Variants in RPH3AL observed in about 807,000 individuals in gnomAD.
The protein encoded by RPH3AL is rab effector Noc2.
A neutral mutation model predicts 43.1 loss-of-function variants in RPH3AL; 38 were observed. The observed-to-expected ratio is 0.88, with a 90% CI of 0.68 to 1.15. RPH3AL has a LOEUF of 1.15. RPH3AL is among the 50% of genes most tolerant of loss of function. RPH3AL has a pLI of 0.00. For synonymous variants in RPH3AL, 189 were observed against 176.3 expected (o/e 1.07, Z -0.57); for missense variants, 462 against 423.2 (o/e 1.09, Z -0.81).
At chr17:348,554 A>G (rs2045290494) in intron 1 of RPH3AL, among the ~76,000 whole-genome samples, 1 of 152,090 alleles carries the variant, frequency 6.6e-6, no homozygotes, top group Admixed American at 6.5e-5. Context: ...AAAAAAGTAA[A>G]GTGCTACCAA....
intron 7 of RPH3AL, among the ~76,000 whole-genome samples, chr17:241,217 C>G (rs1211937274): frequency 6.6e-6 from 1 of 151,918 alleles, no homozygotes; most frequent in Non-Finnish European, 1.5e-5. Context: ...AGTGAGGCTC[C>G]CATCTCTACA....
At chr17:213,953 G>C in intron 9 of RPH3AL, 30 bp from the exon 10 acceptor site, 1 of 1,553,730 alleles carries the variant, frequency 6.4e-7, no homozygotes, top group Non-Finnish European at 8.9e-7. Context: ...CCACCACATG[G>C]TGAGCAGCGG....
rs148017340 is a variant in RPH3AL at position 319,445 on chromosome 17, G to C, written c.326C>G (p.Ser109Trp). The change falls in exon 5 of 10, where the codon TCG (serine) becomes TGG (tryptophan). Residue 109 changes from serine to tryptophan, a missense_variant. Transcript: ENST00000331302. ...GEVLGFLGSS[S>W]VFCKDCRKKV... is the part of the protein sequence containing the mutation. ...CTTCCTGCAGTCTTTGCAGAACACC[G>C]ACGAGCTGCCCAGGAAGCCCAGCAC... The C allele has an allele frequency of 6.2e-7, 1 of 1,612,452 alleles. No homozygotes were observed. The highest frequency in any genetic ancestry group is 1.7e-5 in the Admixed American group (1 of 59,974).
At chr17:240,652 T>C (rs2041507385) in intron 7 of RPH3AL, among the ~76,000 whole-genome samples, 1 of 152,232 alleles carries the variant, frequency 6.6e-6, no homozygotes. Context: ...TGAATAACGT[T>C]CCACTGTGTG....
Position 281,871 on chromosome 17 carries a change from A to T in RPH3AL, c.352-17T>A, listed in dbSNP as rs540011880. On this transcript the variant is annotated splice_polypyrimidine_tract_variant and intron_variant, in intron 5 of 9. Transcript: ENST00000331302. The stretch of plus-strand genomic sequence containing the variant: ...GCAGACTTTCTACAAGAGAGAGGAC[A>T]TGGGGTTGTAAAGATTGCAGCCGCT... 2 of 1,606,416 alleles carry T rather than the reference A, an allele frequency of 1.2e-6. No individual in the cohort carries two copies. The highest frequency in any genetic ancestry group is 1.1e-5 in the South Asian group (1 of 90,904).
At chr17:248,294 G>C (rs963247732) in intron 6 of RPH3AL, among the ~76,000 whole-genome samples, 1 of 152,174 alleles carries the variant, frequency 6.6e-6, no homozygotes, top group African/African-American at 2.4e-5. Flanking sequence ...CAAAGCTCCA[G>C]ACTTGTTCTG....
intron 1 of RPH3AL, among the ~76,000 whole-genome samples, chr17:347,304 G>T (rs2045256315): frequency 6.6e-6 from 1 of 152,096 alleles, no homozygotes; most frequent in African/African-American, 2.4e-5. Context: ...GCCAACCTGG[G>T]CAGCACAGTG....
intron 6 of RPH3AL, among the ~76,000 whole-genome samples, chr17:261,356 C>G (rs1396095757): frequency 6.6e-6 from 1 of 152,210 alleles, no homozygotes; most frequent in African/African-American, 2.4e-5. Context: ...CTTCCTCTCT[C>G]TCTCTGCCAT....
chr17:278,105 A>G (rs1377093712), intron 6 of RPH3AL, among the ~76,000 whole-genome samples: 1 of 152,138 alleles, frequency 6.6e-6, no homozygotes, highest in Non-Finnish European at 1.5e-5. Context: ...TGCAGCTCCC[A>G]TAATTCCCAA....
At position 246,643 on chromosome 17, in the gene RPH3AL, G is replaced by A. The variant is rs150345901; in HGVS notation, c.613+468C>T. On this transcript the variant is annotated intron_variant, in intron 7 of 9. Coordinates refer to ENST00000331302, the MANE Select transcript of RPH3AL (RefSeq NM_006987.4). The surrounding 1 kb of genome is among the most constrained non-coding windows in gnomAD (Gnocchi z 4.8). The stretch of plus-strand genomic sequence containing the variant: ...CACACCTTACTGTAGCCACCAGAAC[G>A]CCCAGGGACACTGGGATACAAAGTC... Among the ~76,000 whole-genome samples, 2 of 152,206 alleles carry A rather than the reference G, an allele frequency of 1.3e-5. No individual in the cohort carries two copies. Among genetic ancestry groups the A allele is most frequent in the Non-Finnish European group, 2.9e-5 (2 of 68,010 alleles).
chr17:294,570 A>AAT, intron 5 of RPH3AL, among the ~76,000 whole-genome samples: 1 of 90,418 alleles, frequency 1.1e-5, no homozygotes, highest in East Asian at 3.7e-4. Flanking sequence ...GGGACAGAGG[A>AAT]GCTGCAGAAA....
chr17:215,659 C>T lies in RPH3AL; in HGVS notation c.871G>A (p.Ala291Thr), dbSNP rs965898021. The T allele has an allele frequency of 1.6e-5, 21 of 1,277,968 alleles. No individual in the cohort carries two copies. The highest frequency in any genetic ancestry group is 2.0e-5 in the Non-Finnish European group (20 of 1,007,514). The allele number at this position is 1,277,968 out of a possible 1,614,324, so 79.2% of individuals were successfully genotyped here. The change falls in exon 9 of 10, where the codon GCC becomes ACC. Residue 291 changes from alanine (A) to threonine (T), a missense_variant. Coordinates refer to ENST00000331302, the MANE Select transcript of RPH3AL (RefSeq NM_006987.4). The surrounding 1 kb of genome is among the most constrained non-coding windows in gnomAD (Gnocchi z 4.1). ...GGCAGCAGTTGGGTACTCACCGGGG[C>T]CCTTCGGGTCAGCCCGGGGCGGGGT... Reference protein sequence around the residue: ...GGPRPGLTRRAPVKDTPGRAP... With the variant: ...GGPRPGLTRRTPVKDTPGRAP...
intron 8 of RPH3AL, among the ~76,000 whole-genome samples, chr17:218,818 C>A (rs2040878167): frequency 6.6e-6 from 1 of 152,198 alleles, no homozygotes. Context: ...GAAGGAAATG[C>A]AGGCCCAGAG....
intron 6 of RPH3AL, among the ~76,000 whole-genome samples, chr17:278,246 T>C (rs982389331): frequency 7.9e-5 from 12 of 152,200 alleles, no homozygotes; most frequent in African/African-American, 1.2e-4. Context: ...TCACTTGGTC[T>C]CATTCTTTCT....
intron 6 of RPH3AL, among the ~76,000 whole-genome samples, chr17:258,203 C>A (rs1269561127): frequency 1.3e-5 from 2 of 152,168 alleles, no homozygotes; most frequent in Admixed American, 6.5e-5. Flanking sequence ...TCATCTGTCT[C>A]CCCCACCAGG....
At chr17:329,525 G>A (rs1250240813) in intron 2 of RPH3AL, among the ~76,000 whole-genome samples, 1 of 151,980 alleles carries the variant, frequency 6.6e-6, no homozygotes, top group Non-Finnish European at 1.5e-5. Flanking sequence ...AAAATACATG[G>A]GCTATGACCA....
chr17:267,465 C>T (rs1298119524), intron 6 of RPH3AL, among the ~76,000 whole-genome samples: 1 of 152,212 alleles, frequency 6.6e-6, no homozygotes, highest in East Asian at 1.9e-4. Context: ...AGACGAGCGT[C>T]ATGATTTTGA....
intron 7 of RPH3AL, among the ~76,000 whole-genome samples, chr17:222,214 G>T (rs1335462745): frequency 6.6e-6 from 1 of 152,236 alleles, no homozygotes; most frequent in Non-Finnish European, 1.5e-5. Context: ...GAACAATTCT[G>T]TGAGGTAGGA....
At chr17:281,733 C>T (rs1354105590) in intron 6 of RPH3AL, 35 bp downstream of exon 6, 15 of 1,550,002 alleles carry the variant, frequency 9.7e-6, no homozygotes, top group Admixed American at 1.7e-5. Flanking sequence ...ATCCAGCCCA[C>T]TCAGCCCTCC....
Sources: allele counts gnomAD v4.1 joint callset (sites outside exome capture counted in the v4.1 genomes callset), GRCh38; gene constraint gnomAD v4.1.1; non-coding constraint Gnocchi (gnomAD v3.1); transcripts MANE v1.5; gene names NCBI Gene and HGNC (gene_info 2026-07-23, HGNC 2026-07-21).